The following ERBB4 variants were observed in gnomAD, a reference collection of about 807,000 sequenced individuals.
ERBB4 encodes erb-b2 receptor tyrosine kinase 4.
Under a neutral mutation model 158.0 loss-of-function variants are expected in ERBB4, and 42 were observed. That is an observed-to-expected ratio of 0.27 (90% confidence interval 0.21 to 0.34). The LOEUF (loss-of-function observed/expected upper bound fraction) is 0.34, where lower values mean the gene tolerates loss of function less well. Ranked by LOEUF, ERBB4 falls within the 10% of genes least tolerant of loss-of-function variation. The pLI is 1.00. For synonymous variants in ERBB4, 583 were observed against 558.7 expected (o/e 1.04, Z -0.61); for missense variants, 1,333 against 1,624.1 (o/e 0.82, Z 3.08).
chr2:211,665,574 G>A, intron 14 of ERBB4, 97 bp from the exon 15 acceptor site: 1 of 1,141,380 alleles, frequency 8.8e-7, no homozygotes, highest in Non-Finnish European at 1.3e-6. Flanking sequence ...TTCAGTAGGT[G>A]GCAAATCTTC....
intron 25 of ERBB4, among the ~76,000 whole-genome samples, chr2:211,393,740 C>CATGTGTGTGT (rs1391184856): frequency 2.1e-5 from 3 of 146,240 alleles, no homozygotes; most frequent in Non-Finnish European, 3.0e-5. Flanking sequence ...GAGTTAATAG[C>CATGTGTGTGT]GTGTGTGTGT....
intron 19 of ERBB4, among the ~76,000 whole-genome samples, chr2:211,593,934 G>T (rs2068550295): frequency 6.6e-6 from 1 of 152,112 alleles, no homozygotes; most frequent in Non-Finnish European, 1.5e-5. Flanking sequence ...GGTCGTTCCA[G>T]CACCACAGCT....
chr2:211,689,609 AC>A (rs2072715742), intron 12 of ERBB4, among the ~76,000 whole-genome samples: 1 of 152,196 alleles, frequency 6.6e-6, no homozygotes, highest in Non-Finnish European at 1.5e-5. Flanking sequence ...GTTTAACCAA[AC>A]TGATTAAATA....
chr2:211,990,936 T>C (rs972286870), intron 2 of ERBB4, among the ~76,000 whole-genome samples: 2 of 152,030 alleles, frequency 1.3e-5, no homozygotes, highest in Admixed American at 1.3e-4. Flanking sequence ...TTCATAATTA[T>C]ACAATTCTTC....
intron 20 of ERBB4, among the ~76,000 whole-genome samples, chr2:211,530,158 G>T (rs1372526966): frequency 6.6e-6 from 1 of 152,026 alleles, no homozygotes; most frequent in East Asian, 1.9e-4. Context: ...AAAGTTGCAG[G>T]ATACAAAATC....
intron 1 of ERBB4, among the ~76,000 whole-genome samples, chr2:212,471,410 C>A (rs1377423649): frequency 6.6e-6 from 1 of 151,862 alleles, no homozygotes; most frequent in Non-Finnish European, 1.5e-5. Flanking sequence ...ATACAATAAT[C>A]TACTATAATT....
chr2:212,369,893 T>G, intron 1 of ERBB4, among the ~76,000 whole-genome samples: 1 of 152,138 alleles, frequency 6.6e-6, no homozygotes, highest in East Asian at 1.9e-4. Context: ...AGTTATCTCT[T>G]TTGCTTCACG....
At chr2:211,961,946 A>C (rs867594921) in intron 2 of ERBB4, among the ~76,000 whole-genome samples, 1 of 152,146 alleles carries the variant, frequency 6.6e-6, no homozygotes, top group South Asian at 2.1e-4. Flanking sequence ...AAAACTATAA[A>C]GACATACAAG....
At chr2:211,551,952 C>T (rs1298200236) in intron 20 of ERBB4, among the ~76,000 whole-genome samples, 1 of 152,200 alleles carries the variant, frequency 6.6e-6, no homozygotes, top group African/African-American at 2.4e-5. Flanking sequence ...GAAGCTTTCA[C>T]ATCTGTCACA....
intron 1 of ERBB4, among the ~76,000 whole-genome samples, chr2:212,452,084 T>C (rs1296870280): frequency 6.6e-6 from 1 of 150,984 alleles, no homozygotes; most frequent in Non-Finnish European, 1.5e-5. Context: ...AATAAATGGA[T>C]GGGTGGGAAA....
chr2:211,432,538 A>C (rs1449083194), intron 20 of ERBB4, among the ~76,000 whole-genome samples: 1 of 152,112 alleles, frequency 6.6e-6, no homozygotes, highest in East Asian at 1.9e-4. Context: ...GTTTGAGTAC[A>C]TTAAATTAGA....
chr2:211,452,095 T>C (rs574518811), intron 20 of ERBB4, among the ~76,000 whole-genome samples: 2 of 152,336 alleles, frequency 1.3e-5, no homozygotes, highest in South Asian at 4.1e-4. Context: ...ACTCATACAC[T>C]GCACCTGATT....
chr2:212,263,985 C>CT (rs1304969179), intron 1 of ERBB4, among the ~76,000 whole-genome samples: 2 of 152,080 alleles, frequency 1.3e-5, no homozygotes, highest in Admixed American at 1.3e-4. Context: ...TCCTATATTG[C>CT]TGTGGTCATG....
chr2:211,738,361 G>GTTTTGTTTTTT (rs1559473744), intron 5 of ERBB4, among the ~76,000 whole-genome samples: 1 of 135,334 alleles, frequency 7.4e-6, no homozygotes, highest in Non-Finnish European at 1.6e-5. Context: ...CTTTGTTTTT[G>GTTTTGTTTTTT]TTTTTTTTTT....
At chr2:211,659,060 G>C (rs2071324281) in intron 15 of ERBB4, among the ~76,000 whole-genome samples, 1 of 151,952 alleles carries the variant, frequency 6.6e-6, no homozygotes, top group Non-Finnish European at 1.5e-5. Flanking sequence ...CTTAAGATAG[G>C]ATCATCATAC....
chr2:212,190,253 G>A (rs573570101), intron 1 of ERBB4, among the ~76,000 whole-genome samples: 20 of 152,240 alleles, frequency 1.3e-4, no homozygotes, highest in South Asian at 4.1e-4. Context: ...AGAAATGGGG[G>A]CAGCTGGGCG....
Position 212,004,463 on chromosome 2 carries a change from T to C in ERBB4, c.235-56847A>G. Among the ~76,000 whole-genome samples the C allele has an allele frequency of 2.6e-5, 4 of 152,324 alleles. No individual in the cohort carries two copies. The South Asian group carries it at 8.3e-4, about 32-fold the overall frequency. On this transcript the variant is annotated intron_variant, in intron 2 of 27. Transcript: ENST00000342788. ...GGAAGTTGTTTCAAATCTTGAGCCATAAAATCTTCTCATCTCTGACTAATT... is the reference window on the plus strand; with the variant it reads ...GGAAGTTGTTTCAAATCTTGAGCCACAAAATCTTCTCATCTCTGACTAATT...
At chr2:212,478,712 A>G (rs1689533607) in intron 1 of ERBB4, among the ~76,000 whole-genome samples, 1 of 151,958 alleles carries the variant, frequency 6.6e-6, no homozygotes, top group South Asian at 2.1e-4. Context: ...TCCAGAGACC[A>G]CTGTCTCTCT....
chr2:212,082,935 A>C (rs148627405), intron 2 of ERBB4, among the ~76,000 whole-genome samples: 223 of 152,130 alleles, frequency 1.5e-3, no homozygotes, highest in African/African-American at 5.2e-3. Context: ...TACTTGTCCC[A>C]TGAAGATTTA....
Sources: gnomAD v4.1 joint callset for allele counts (sites outside exome capture counted in the v4.1 genomes callset) on GRCh38, gnomAD v4.1.1 for gene constraint, MANE v1.5 for transcripts, NCBI Gene and HGNC (gene_info 2026-07-23, HGNC 2026-07-21) for gene names.